CFAP299: variants seen among roughly 807,000 people sequenced by gnomAD.
CFAP299 encodes the protein cilia- and flagella-associated protein 299.
CFAP299 carries 21 observed loss-of-function variants against 27.0 expected under a neutral mutation model. The observed-to-expected ratio is 0.78, with a 90% CI of 0.55 to 1.12. CFAP299 has a LOEUF of 1.12. Ranked by LOEUF, CFAP299 falls within the 50% of genes most tolerant of loss-of-function variation. CFAP299 has a pLI of 0.00. For missense variants in CFAP299, 310 were observed against 276.6 expected (o/e 1.12, Z -0.86); for synonymous variants, 104 against 98.1 (o/e 1.06, Z -0.36).
chr4:80,514,828 G>T (rs1306164540), intron 2 of CFAP299, among the ~76,000 whole-genome samples: 1 of 151,948 alleles, frequency 6.6e-6, no homozygotes, highest in Non-Finnish European at 1.5e-5. Context: ...GTAATTATGT[G>T]TTGAAATTTC....
At chr4:80,777,636 G>A (rs1214381747) in intron 3 of CFAP299, among the ~76,000 whole-genome samples, 4 of 152,104 alleles carry the variant, frequency 2.6e-5, no homozygotes, top group East Asian at 1.9e-4. Flanking sequence ...CTTGAAATGC[G>A]TATTAATCAA....
intron 2 of CFAP299, among the ~76,000 whole-genome samples, chr4:80,530,495 A>C (rs548603556): frequency 6.6e-6 from 1 of 152,144 alleles, no homozygotes; most frequent in Admixed American, 6.5e-5. Context: ...TTTTCATCTA[A>C]ACAGTAATGT....
chr4:80,529,967 G>T (rs2110186031), intron 2 of CFAP299, among the ~76,000 whole-genome samples: 1 of 152,186 alleles, frequency 6.6e-6, no homozygotes, highest in African/African-American at 2.4e-5. Flanking sequence ...TATAAAAACA[G>T]TATTTAAAGA....
intron 3 of CFAP299, among the ~76,000 whole-genome samples, chr4:80,638,230 C>T (rs1340698770): frequency 6.6e-6 from 1 of 152,114 alleles, no homozygotes; most frequent in Admixed American, 6.6e-5. Flanking sequence ...CCATCCTGAT[C>T]CCCCTACTTG....
chr4:80,872,019 G>A (rs1265396904), intron 4 of CFAP299: 1 of 143,060 alleles, frequency 7.0e-6, no homozygotes, highest in Non-Finnish European at 1.5e-5. Context: ...CTATTGATTT[G>A]TTGGAGAAAC....
intron 3 of CFAP299, among the ~76,000 whole-genome samples, chr4:80,850,782 A>G (rs181740074): frequency 1.3e-5 from 2 of 152,218 alleles, no homozygotes; most frequent in East Asian, 3.9e-4. Context: ...AATGAACGGT[A>G]TCCAGGAAAG....
chr4:80,654,048 T>C (rs1027717602), intron 3 of CFAP299, among the ~76,000 whole-genome samples: 13 of 152,286 alleles, frequency 8.5e-5, no homozygotes, highest in African/African-American at 2.9e-4. Flanking sequence ...TCTGCAGTTA[T>C]GACATTTGGG....
intron 2 of CFAP299, among the ~76,000 whole-genome samples, chr4:80,552,453 C>T (rs750014692): frequency 4.6e-5 from 7 of 152,088 alleles, no homozygotes; most frequent in African/African-American, 9.7e-5. Context: ...GTGAAATTCT[C>T]AACTGGAATT....
At chr4:80,869,340 C>T (rs894916645) in intron 3 of CFAP299, among the ~76,000 whole-genome samples, 2 of 152,100 alleles carry the variant, frequency 1.3e-5, no homozygotes, top group African/African-American at 4.8e-5. Context: ...CACTTTCTCC[C>T]CTTAACCAAG....
chr4:80,508,299 A>G (rs1460962670), intron 2 of CFAP299, among the ~76,000 whole-genome samples: 4 of 152,226 alleles, frequency 2.6e-5, no homozygotes, highest in Non-Finnish European at 4.4e-5. Context: ...TGTGCTATAC[A>G]GAATTATTTT....
chr4:80,358,183 T>C (rs545048628), intron 1 of CFAP299, among the ~76,000 whole-genome samples: 11 of 152,212 alleles, frequency 7.2e-5, no homozygotes, highest in African/African-American at 1.4e-4. Context: ...CTAGTTTGAT[T>C]GTGCTTTGGT....
At chr4:80,604,389 AAGTT>A (rs1167265609) in intron 3 of CFAP299, among the ~76,000 whole-genome samples, 1 of 152,138 alleles carries the variant, frequency 6.6e-6, no homozygotes. Context: ...ATGTGACTAA[AAGTT>A]AGGCACTGGT....
At chr4:80,335,959 G>C in intron 1 of CFAP299, 80 bp downstream of exon 1, 3 of 893,210 alleles carry the variant, frequency 3.4e-6, no homozygotes, top group Non-Finnish European at 5.6e-6. Flanking sequence ...TGGGCTGGTC[G>C]CCCCCTGGCG....
intron 3 of CFAP299, among the ~76,000 whole-genome samples, chr4:80,634,390 T>C (rs1739386870): frequency 6.6e-6 from 1 of 152,154 alleles, no homozygotes; most frequent in African/African-American, 2.4e-5. Flanking sequence ...GCAATTTACT[T>C]AATCTTTTTG....
intron 3 of CFAP299, among the ~76,000 whole-genome samples, chr4:80,660,060 A>G (rs1313148894): frequency 3.3e-5 from 5 of 152,132 alleles, no homozygotes; most frequent in Admixed American, 1.3e-4. Flanking sequence ...AATTGGGGCA[A>G]TAGGCAGTAT....
At chr4:80,567,613 A>G (rs1735367103) in intron 2 of CFAP299, among the ~76,000 whole-genome samples, 1 of 151,982 alleles carries the variant, frequency 6.6e-6, no homozygotes, top group Non-Finnish European at 1.5e-5. Context: ...ATAATCTCTC[A>G]GAGATTAAAG....
chr4:80,429,675 A>G (rs1727711288), intron 2 of CFAP299, among the ~76,000 whole-genome samples: 1 of 152,184 alleles, frequency 6.6e-6, no homozygotes, highest in Non-Finnish European at 1.5e-5. Context: ...GAATAACTAT[A>G]TCATAGTCAA....
chr4:80,949,506 C>T (rs1054781605), intron 5 of CFAP299, among the ~76,000 whole-genome samples: 3 of 146,322 alleles, frequency 2.1e-5, no homozygotes, highest in Non-Finnish European at 4.5e-5. Flanking sequence ...TAGATGCTCC[C>T]TAAAACTTAA....
At chr4:80,480,407 A>C (rs933600654) in intron 2 of CFAP299, among the ~76,000 whole-genome samples, 1 of 151,950 alleles carries the variant, frequency 6.6e-6, no homozygotes, top group Non-Finnish European at 1.5e-5. Flanking sequence ...AAAGCAAATA[A>C]AATATTTGTT....
Sources: gnomAD v4.1 joint callset for allele counts (sites outside exome capture counted in the v4.1 genomes callset) on GRCh38, gnomAD v4.1.1 for gene constraint, MANE v1.5 for transcripts, NCBI Gene and HGNC (gene_info 2026-07-23, HGNC 2026-07-21) for gene names.